Variants in VRK2 observed in about 807,000 individuals in gnomAD.
The protein encoded by VRK2 is VRK serine/threonine kinase 2, also known as serine/threonine-protein kinase VRK2.
A neutral mutation model predicts 57.6 loss-of-function variants in VRK2; 60 were observed. The ratio of observed to expected loss-of-function variants is 1.04; its 90% CI spans 0.85 to 1.29. The LOEUF (loss-of-function observed/expected upper bound fraction) is 1.29, where lower values mean the gene tolerates loss of function less well. Ranked by LOEUF, VRK2 falls within the 50% of genes most tolerant of loss-of-function variation. The pLI, the probability that VRK2 is intolerant of heterozygous loss-of-function variation, is 0.00. For missense variants in VRK2, 705 were observed against 588.1 expected (o/e 1.20, Z -2.06); for synonymous variants, 231 against 199.2 (o/e 1.16, Z -1.35).
intron 6 of VRK2, among the ~76,000 whole-genome samples, chr2:58,089,350 C>G (rs1276877306): frequency 1.3e-5 from 2 of 152,162 alleles, no homozygotes; most frequent in African/African-American, 4.8e-5. Context: ...TGCGGTTTGG[C>G]TACTGGGCTA....
At chr2:58,014,235 G>A (rs1673505152) in intron 1 of VRK2, among the ~76,000 whole-genome samples, 2 of 152,120 alleles carry the variant, frequency 1.3e-5, no homozygotes, top group South Asian at 4.2e-4. Flanking sequence ...TTCCTAAGGA[G>A]ATAAATTACC....
intron 1 of VRK2, among the ~76,000 whole-genome samples, chr2:57,926,379 G>T (rs1247038841): frequency 3.3e-5 from 5 of 149,802 alleles, no homozygotes; most frequent in Admixed American, 3.3e-4. Context: ...AATAATATTT[G>T]CTTTATATAT....
rs531410434 is a variant in VRK2 at position 58,090,669 on chromosome 2, G to A, written c.543+946G>A. Among the ~76,000 whole-genome samples, 172 of 152,220 alleles carry A rather than the reference G, an allele frequency of 1.1e-3. 1 individual carries two copies. Among genetic ancestry groups the A allele is most frequent in the African/African-American group, 4.0e-3 (165 of 41,542 alleles). ...AGTTGGGCAGTTACTTAGAAAGCTA[G>A]ACACTCTTAACATACCAAGCAGCAG... On this transcript the variant is annotated intron_variant, in intron 7 of 12. Coordinates refer to ENST00000340157, the MANE Select transcript of VRK2 (RefSeq NM_006296.7).
At chr2:57,939,080 A>G (rs1333988583) in intron 1 of VRK2, among the ~76,000 whole-genome samples, 1 of 152,212 alleles carries the variant, frequency 6.6e-6, no homozygotes, top group Admixed American at 6.5e-5. Flanking sequence ...AGACAAGAGT[A>G]GAAAAGGGAA....
intron 7 of VRK2, among the ~76,000 whole-genome samples, chr2:58,096,702 C>A (rs1301271886): frequency 6.6e-6 from 1 of 151,158 alleles, no homozygotes; most frequent in Admixed American, 6.6e-5. Context: ...TTTCTTTTTT[C>A]TTATTATTAA....
chr2:58,004,209 A>T (rs1270540082), intron 1 of VRK2, among the ~76,000 whole-genome samples: 1 of 151,954 alleles, frequency 6.6e-6, no homozygotes, highest in Non-Finnish European at 1.5e-5. Context: ...AAACACACAC[A>T]TCCTGACCTA....
intron 1 of VRK2, among the ~76,000 whole-genome samples, chr2:57,931,045 T>A (rs1394572619): frequency 2.6e-5 from 4 of 152,152 alleles, no homozygotes; most frequent in African/African-American, 9.7e-5. Context: ...CACTCATCCA[T>A]CAAGGGACAA....
At chr2:58,156,613 G>GTTTTGT (rs1553430676) in intron 12 of VRK2, among the ~76,000 whole-genome samples, 2 of 145,438 alleles carry the variant, frequency 1.4e-5, no homozygotes, top group African/African-American at 5.6e-5. Context: ...GTTTTGTTTT[G>GTTTTGT]TTTTTGCCTG....
At chr2:57,919,650 G>T (rs1670273117) in intron 1 of VRK2, among the ~76,000 whole-genome samples, 1 of 151,972 alleles carries the variant, frequency 6.6e-6, no homozygotes, top group Non-Finnish European at 1.5e-5. Flanking sequence ...CAGAAATTTT[G>T]AAGGACTGAG....
rs866675905 is a variant in VRK2 at position 58,159,600 on chromosome 2, T to C, written c.1434T>C (p.Thr478=). ...TGLWPTISQF[T]LSEETNADVY... ...TTTGGCCTACAATTTCCCAGTTTAC[T>C]CTTAGTGAAGAGACAAACGCAGATG... Residue 478 remains threonine, a synonymous_variant, in exon 13 of 13, where the codon ACT becomes ACC. Coordinates refer to ENST00000340157, the MANE Select transcript of VRK2 (RefSeq NM_006296.7). 5 of 1,613,782 alleles carry C rather than the reference T, an allele frequency of 3.1e-6. No homozygotes were observed. The highest frequency in any genetic ancestry group is 1.6e-4 in the Middle Eastern group (1 of 6,082).
rs543206533 is a variant in VRK2, at chr2:58,135,413, G to A, written c.856+214G>A. Among the ~76,000 whole-genome samples, 32 of 149,780 alleles carry A rather than the reference G, an allele frequency of 2.1e-4. No homozygotes were observed. The East Asian group carries it at 6.0e-3, about 28-fold the overall frequency. On this transcript the variant is annotated intron_variant, in intron 10 of 12. Coordinates refer to ENST00000340157, the MANE Select transcript of VRK2 (RefSeq NM_006296.7). ...AAAAAACCTCAAAAGAAGATATTGAGGTGGAAAATTCTAGGTTCTGCTTAG... is the reference window on the plus strand; with the variant it reads ...AAAAAACCTCAAAAGAAGATATTGAAGTGGAAAATTCTAGGTTCTGCTTAG...
At chr2:58,029,842 C>G (rs770026684) in intron 2 of VRK2, among the ~76,000 whole-genome samples, 3 of 152,114 alleles carry the variant, frequency 2.0e-5, no homozygotes, top group Non-Finnish European at 4.4e-5. Context: ...ACATCTAACA[C>G]AGCACTTATC....
At chr2:58,098,528 T>C (rs1485071516) in intron 7 of VRK2, among the ~76,000 whole-genome samples, 1 of 152,088 alleles carries the variant, frequency 6.6e-6, no homozygotes, top group Non-Finnish European at 1.5e-5. Context: ...CTTTTTATGT[T>C]TAGATATATT....
intron 1 of VRK2, among the ~76,000 whole-genome samples, chr2:57,965,549 A>G (rs939493710): frequency 6.6e-6 from 1 of 152,050 alleles, no homozygotes; most frequent in Non-Finnish European, 1.5e-5. Flanking sequence ...CAGTCTTTTG[A>G]TTATGAATTT....
intron 1 of VRK2, among the ~76,000 whole-genome samples, chr2:57,963,358 G>C (rs564825263): frequency 6.6e-6 from 1 of 152,276 alleles, no homozygotes; most frequent in Admixed American, 6.5e-5. Flanking sequence ...GATGTATTTA[G>C]GCAATAGTAC....
upstream of VRK2, among the ~76,000 whole-genome samples, chr2:58,041,882 T>A (rs773683561): frequency 1.1e-4 from 17 of 152,298 alleles, no homozygotes; most frequent in Middle Eastern, 3.4e-3. Flanking sequence ...CAGAAAATCT[T>A]TGAATCCACC....
rs144221605 is a variant in VRK2, at chr2:58,063,514, T to C, written c.136+14547T>C. ...GTACCCCATACATTTGCATGAATAA[T>C]AGAGTTTACTGAATATTTTAAGCCT... On this transcript the variant is annotated intron_variant, in intron 2 of 12. Transcript: ENST00000340157. 4.1e-4 allele frequency among the ~76,000 whole-genome samples: 62 copies of C among 152,110 alleles called. No individual in the cohort carries two copies. The East Asian group carries it at 6.4e-3, about 16-fold the overall frequency.
At chr2:58,048,622 C>A (rs745789711) in intron 1 of VRK2, 2 of 1,485,170 alleles carry the variant, frequency 1.3e-6, no homozygotes, top group Admixed American at 4.1e-5. Flanking sequence ...AATATCTATA[C>A]CTCTTAGATC....
intron 1 of VRK2, among the ~76,000 whole-genome samples, chr2:57,922,732 C>T (rs1257869458): frequency 1.3e-5 from 2 of 149,796 alleles, no homozygotes. Flanking sequence ...AATTTATTCT[C>T]TCTTTGCGAT....
Sources: allele counts gnomAD v4.1 joint callset (sites outside exome capture counted in the v4.1 genomes callset), GRCh38; gene constraint gnomAD v4.1.1; transcripts MANE v1.5; gene names NCBI Gene and HGNC (gene_info 2026-07-23, HGNC 2026-07-21).